The following TPR variants were observed in gnomAD, a reference collection of about 807,000 sequenced individuals.
TPR encodes the protein translocated promoter region, nuclear basket protein, also known as nucleoprotein TPR.
A neutral mutation model predicts 316.1 loss-of-function variants in TPR; 51 were observed. The observed-to-expected ratio is 0.16, with a 90% CI of 0.13 to 0.20. The LOEUF is 0.20. Among genes scored for constraint, TPR ranks in the 10% least tolerant of loss-of-function variants. TPR has a pLI of 1.00. For synonymous variants in TPR, 981 were observed against 914.7 expected (o/e 1.07, Z -1.31); for missense variants, 2,272 against 2,754.8 (o/e 0.82, Z 3.92).
intron 12 of TPR, among the ~76,000 whole-genome samples, chr1:186,359,009 T>C (rs1180182154): frequency 6.6e-6 from 1 of 152,122 alleles, no homozygotes; most frequent in Non-Finnish European, 1.5e-5. Flanking sequence ...CCAGCTGATA[T>C]AATAAAGTAC....
At chr1:186,319,160 T>A (rs1657698131) in intron 46 of TPR, among the ~76,000 whole-genome samples, 1 of 152,068 alleles carries the variant, frequency 6.6e-6, no homozygotes, top group Non-Finnish European at 1.5e-5. Flanking sequence ...TTATTTTTCA[T>A]TTTTGTAGAG....
At chr1:186,336,430 T>C (rs955854090) in intron 33 of TPR, 66 bp downstream of exon 33, 2 of 1,454,198 alleles carry the variant, frequency 1.4e-6, no homozygotes, top group African/African-American at 2.8e-5. Context: ...CTATTCCATT[T>C]AGTTTTAGGC....
intron 4 of TPR, among the ~76,000 whole-genome samples, chr1:186,366,555 T>C (rs761108624): frequency 1.3e-5 from 2 of 152,208 alleles, no homozygotes; most frequent in Non-Finnish European, 2.9e-5. Flanking sequence ...CTGTGTTGTT[T>C]AAGGGTCAAC....
chr1:186,331,965 GCTT>G (rs1448489796), intron 38 of TPR, among the ~76,000 whole-genome samples: 1 of 152,024 alleles, frequency 6.6e-6, no homozygotes, highest in Non-Finnish European at 1.5e-5. Flanking sequence ...TTATGACTGA[GCTT>G]TTTTATTGAA....
intron 43 of TPR, 80 bp from the exon 44 acceptor site, chr1:186,322,666 C>A: frequency 7.3e-7 from 1 of 1,371,310 alleles, no homozygotes; most frequent in Non-Finnish European, 1.0e-6. Flanking sequence ...ACAGATACAG[C>A]TTATTACGCT....
intron 5 of TPR, 110 bp downstream of exon 5, chr1:186,363,232 C>G: frequency 9.2e-7 from 1 of 1,081,892 alleles, no homozygotes; most frequent in South Asian, 1.5e-5. Context: ...ACATTAAAAA[C>G]AAAACAAAAT....
At chr1:186,347,143 G>T in intron 22 of TPR, 149 bp downstream of exon 22, 2 of 759,512 alleles carry the variant, frequency 2.6e-6, no homozygotes, top group Non-Finnish European at 4.1e-6. Context: ...GTTTTATCTG[G>T]CTTATGAGAC....
At position 186,357,453 on chromosome 1, in the gene TPR, G is replaced by A. The variant is rs2101981098; in HGVS notation, c.1668C>T (p.Ala556=). The A allele has an allele frequency of 6.2e-7, 1 of 1,613,678 alleles. No homozygotes were observed. The highest frequency in any genetic ancestry group is 1.1e-5 in the South Asian group (1 of 91,048). ...LQQQNQRLLV[A]LRELGETRER... ...CTCTGGTTTCCCCAAGCTCTCTAAG[G>A]GCCACTAAGAGACGTTGATTTTGTT... is the stretch of plus-strand genomic sequence containing the variant. Residue 556 remains alanine, a synonymous_variant, in exon 14 of 51, where the codon GCC becomes GCT. Transcript: ENST00000367478.
At chr1:186,361,043 G>A (rs1659170318) in intron 9 of TPR, 138 bp from the exon 10 acceptor site, 3 of 898,486 alleles carry the variant, frequency 3.3e-6, no homozygotes, top group South Asian at 3.9e-5. Flanking sequence ...AGTATCTATT[G>A]AAAGTTCTTG....
In TPR at chr1:186,326,065, TAGAA is replaced by T. The variant is rs769215197; in HGVS notation, c.6021+35_6021+38del. ...AAAACAGCAAGTGAAAGAAAGCTCA[TAGAA>T]AGAACTATGAATGGTTAAAATTCTA... On this transcript the variant is annotated intron_variant, in intron 41 of 50. Transcript: ENST00000367478. 5.6e-6 allele frequency: 9 copies of T among 1,611,664 alleles called. No homozygotes were observed. The African/African-American group carries it at 9.4e-5, about 17-fold the overall frequency.
Position 186,333,125 on chromosome 1 carries a change from T to C in TPR, c.5452A>G (p.Thr1818Ala), listed in dbSNP as rs762343512. The change falls in exon 37 of 51, where the codon ACA becomes GCA. Residue 1818 changes from threonine (T) to alanine (A), a missense_variant. By Grantham distance (58) the Thr-to-Ala change is moderately conservative (BLOSUM62 0). Coordinates refer to ENST00000367478, the MANE Select transcript of TPR (RefSeq NM_003292.3). ...RPSTSTAVFG[T>A]VSATPSSSLP... Reference sequence around the variant, plus strand: ...TTCATTTTAAAATTAATTTTACCTGTGCCAAATACTGCTGTGGAAGTAGAA... The same window carrying C: ...TTCATTTTAAAATTAATTTTACCTGCGCCAAATACTGCTGTGGAAGTAGAA... 1 of 1,613,020 alleles carries C rather than the reference T, an allele frequency of 6.2e-7. No homozygotes were observed. The highest frequency in any genetic ancestry group is 1.7e-5 in the Admixed American group (1 of 59,854).
chr1:186,343,131 C>G, intron 27 of TPR, 195 bp downstream of exon 27: 1 of 533,700 alleles, frequency 1.9e-6, no homozygotes, highest in Non-Finnish European at 2.9e-6. Context: ...GAATCTGAAA[C>G]CAGGCAGTTT....
chr1:186,373,021 C>T (rs1659580423), intron 2 of TPR, among the ~76,000 whole-genome samples: 1 of 152,176 alleles, frequency 6.6e-6, no homozygotes, highest in African/African-American at 2.4e-5. Context: ...ATTTCAAGAA[C>T]TCTTATCTCA....
chr1:186,342,967 A>G (rs563539873), intron 27 of TPR: 1 of 168,824 alleles, frequency 5.9e-6, no homozygotes, highest in South Asian at 2.0e-4. Context: ...GCTGGAATTT[A>G]TTAAGCACCC....
chr1:186,325,854 C>G lies in TPR; in HGVS notation c.6022G>C (p.Gly2008Arg), dbSNP rs1300489621. 1.9e-6 allele frequency: 3 copies of G among 1,612,396 alleles called. No individual in the cohort carries two copies. Among genetic ancestry groups the G allele is most frequent in the Non-Finnish European group, 2.5e-6 (3 of 1,179,384 alleles). The part of the protein sequence containing the change: ...NDGYEADDAE[G>R]GDGTDPGTET... ...GTACCTGGATCAGTCCCATCACCACCCTAAAAACAAAACGTGGTAACATAA... is the reference window on the plus strand; with the variant it reads ...GTACCTGGATCAGTCCCATCACCACGCTAAAAACAAAACGTGGTAACATAA... The change falls in exon 42 of 51, where the codon GGT becomes CGT. Residue 2008 changes from glycine to arginine, a missense_variant and splice_region_variant. Physicochemically the swap from Gly to Arg is moderately radical, Grantham distance 125. Transcript: ENST00000367478.
intron 50 of TPR, 86 bp from the exon 51 acceptor site, chr1:186,314,112 ATATC>A (rs2102044036): frequency 1.6e-6 from 2 of 1,251,868 alleles, no homozygotes; most frequent in African/African-American, 1.5e-5. Flanking sequence ...ATTATAAAAA[ATATC>A]TAGGCATTGT....
In TPR at chr1:186,326,163, T is replaced by C. The variant is rs1358031403; in HGVS notation, c.5962A>G (p.Ser1988Gly). 1.2e-6 allele frequency: 2 copies of C among 1,611,424 alleles called. No individual in the cohort carries two copies. Among genetic ancestry groups the C allele is most frequent in the East Asian group, 4.5e-5 (2 of 44,846 alleles). Residue 1988 changes from serine (S) to glycine (G), a missense_variant, in exon 41 of 51, where the codon AGT (serine) becomes GGT (glycine). Ser to Gly is a moderately conservative substitution (Grantham distance 56). Around this residue, in one of 10 missense-constraint regions of TPR, gnomAD observed 435 missense variants for 461.1 expected, o/e 0.94. Coordinates refer to ENST00000367478, the MANE Select transcript of TPR (RefSeq NM_003292.3). ...TCGGCACTACCAGTTCCTTCATTACTATCTTCACCCTCATCTCCCATCCCT... is the reference window on the plus strand; with the variant it reads ...TCGGCACTACCAGTTCCTTCATTACCATCTTCACCCTCATCTCCCATCCCT... ...DTGMGDEGED[S>G]NEGTGSADGN... is the part of the protein sequence containing the mutation.
chr1:186,324,124 A>G (rs750295656), intron 42 of TPR, among the ~76,000 whole-genome samples: 6 of 152,194 alleles, frequency 3.9e-5, no homozygotes, highest in Non-Finnish European at 2.9e-5. Flanking sequence ...TTAATAGAGC[A>G]AATGTAACCT....
chr1:186,318,520 T>C lies in TPR; in HGVS notation c.6748A>G (p.Thr2250Ala). ...SVPMVTTSTG[T>A]LSTTNETATG... ...GCTGTTTCATTTGTTGTAGATAAAG[T>C]GCCAGTGGATGTAGTCACCATTGGA... Residue 2250 changes from threonine (T) to alanine (A), a missense_variant, in exon 48 of 51, where the codon ACT (threonine) becomes GCT (alanine). Physicochemically the swap from Thr to Ala is moderately conservative, Grantham distance 58. This residue lies in a region of TPR where 123 missense variants were observed against 142.3 expected (regional missense o/e 0.86). Transcript: ENST00000367478. The C allele has an allele frequency of 1.9e-6, 3 of 1,614,152 alleles. No individual in the cohort carries two copies. The highest frequency in any genetic ancestry group is 2.5e-6 in the Non-Finnish European group (3 of 1,180,022).
Sources: gnomAD v4.1 joint callset for allele counts (sites outside exome capture counted in the v4.1 genomes callset) on GRCh38, gnomAD v4.1.1 for gene constraint, gnomAD v4.1.1 regional missense constraint, MANE v1.5 for transcripts, NCBI Gene and HGNC (gene_info 2026-07-23, HGNC 2026-07-21) for gene names.